Variants in PDE10A observed in about 807,000 individuals in gnomAD.
PDE10A encodes phosphodiesterase 10A.
In PDE10A, 39 loss-of-function variants were observed where a neutral mutation model predicts 97.7. That is an observed-to-expected ratio of 0.40 (90% confidence interval 0.31 to 0.52). The LOEUF is 0.52. Ranked by LOEUF, PDE10A falls within the 20% of genes least tolerant of loss-of-function variation. The pLI is 0.56. For synonymous variants in PDE10A, 371 were observed against 376.8 expected, an observed-to-expected ratio of 0.98 and a Z score of 0.18; for missense variants, 731 against 1,047.8, an observed-to-expected ratio of 0.70 and a Z score of 4.17.
chr6:165,835,331 G>C (rs1265978790), intron 1 of PDE10A, among the ~76,000 whole-genome samples: 1 of 152,204 alleles, frequency 6.6e-6, no homozygotes. Flanking sequence ...ATGGGCTTTG[G>C]CAGATGTGCC....
chr6:165,689,885 TGTCCAGTTCTGCCACCG>T (rs1791224370), intron 1 of PDE10A, among the ~76,000 whole-genome samples: 1 of 152,206 alleles, frequency 6.6e-6, no homozygotes, highest in Non-Finnish European at 1.5e-5. Flanking sequence ...CCTGATGCAA[TGTCCAGTTCTGCCACCG>T]GGTGAGTACA....
intron 1 of PDE10A, among the ~76,000 whole-genome samples, chr6:165,754,572 A>C (rs1026602328): frequency 1.5e-4 from 23 of 152,154 alleles, no homozygotes; most frequent in African/African-American, 4.8e-4. Context: ...CTCTCTATAT[A>C]TATATATATG....
chr6:165,880,906 A>T (rs143278469), intron 1 of PDE10A, among the ~76,000 whole-genome samples: 2 of 152,228 alleles, frequency 1.3e-5, no homozygotes, highest in Non-Finnish European at 2.9e-5. Flanking sequence ...GTGCATTTCG[A>T]GGGAAATTTC....
intron 1 of PDE10A, among the ~76,000 whole-genome samples, chr6:165,813,454 GA>G: frequency 1.8e-5 from 1 of 55,764 alleles, no homozygotes; most frequent in Non-Finnish European, 4.5e-5. Context: ...GTGACTTTAT[GA>G]CCAAATCAGG....
At chr6:165,736,405 T>C (rs1211568205) in intron 1 of PDE10A, among the ~76,000 whole-genome samples, 1 of 152,124 alleles carries the variant, frequency 6.6e-6, no homozygotes. Flanking sequence ...CAGTTTCACA[T>C]GATGTCTCCC....
chr6:165,865,162 A>AGTGG (rs1307352959), intron 1 of PDE10A, among the ~76,000 whole-genome samples: 10 of 152,238 alleles, frequency 6.6e-5, no homozygotes, highest in Admixed American at 5.9e-4. Context: ...AGCCTTAGCC[A>AGTGG]CTGAAAAACT....
chr6:165,654,866 C>T (rs1170771107), intron 1 of PDE10A, among the ~76,000 whole-genome samples: 1 of 152,206 alleles, frequency 6.6e-6, no homozygotes, highest in African/African-American at 2.4e-5. Context: ...TTCTGAACTC[C>T]AGGCCGTGCT....
At chr6:165,898,325 G>A (rs973419485) in intron 1 of PDE10A, among the ~76,000 whole-genome samples, 6 of 152,088 alleles carry the variant, frequency 3.9e-5, no homozygotes, top group Admixed American at 6.5e-5. Flanking sequence ...GAAATGAACC[G>A]CACAACGCAG....
chr6:165,749,342 C>T (rs796441240), intron 1 of PDE10A, among the ~76,000 whole-genome samples: 18 of 141,206 alleles, frequency 1.3e-4, no homozygotes, highest in East Asian at 4.2e-4. Flanking sequence ...CCACCATCAC[C>T]ACCACCATTA....
At chr6:165,953,542 G>T (rs192391921) in intron 1 of PDE10A, among the ~76,000 whole-genome samples, 317 of 151,758 alleles carry the variant, frequency 2.1e-3, no homozygotes, top group African/African-American at 7.2e-3. Context: ...ACCAAGACGA[G>T]ATTGTGCCAC....
intron 1 of PDE10A, chr6:165,894,143 G>A: frequency 2.8e-6 from 1 of 363,306 alleles, no homozygotes; most frequent in South Asian, 2.1e-5. Context: ...GCTTGACTGG[G>A]TGTTTGTTCA....
At chr6:165,475,544 G>T (rs1779247284) in intron 3 of PDE10A, among the ~76,000 whole-genome samples, 1 of 152,120 alleles carries the variant, frequency 6.6e-6, no homozygotes, top group Non-Finnish European at 1.5e-5. Flanking sequence ...CATTCACTAA[G>T]AACTTAATGA....
Position 165,418,750 on chromosome 6 carries a change from C to T in PDE10A, c.1681G>A (p.Asp561Asn). Residue 561 changes from aspartate (D) to asparagine (N), a missense_variant, in exon 11 of 22, where the codon GAT becomes AAT. Around this residue, in one of 8 missense-constraint regions of PDE10A, gnomAD observed 108 missense variants for 199.8 expected, o/e 0.54. Coordinates refer to ENST00000539869, the MANE Select transcript of PDE10A (RefSeq NM_001385079.1). This position sits in a 1 kb window ranked among gnomAD's most constrained non-coding sequence, Gnocchi z 4.8. Reference sequence around the variant, plus strand: ...TCCACCTGGAAAAGCGCACAACGATCGGCATTCACCAGGTTTTTTGCATAT... The same window carrying T: ...TCCACCTGGAAAAGCGCACAACGATTGGCATTCACCAGGTTTTTTGCATAT... Reference protein sequence around the residue: ...MIYAKNLVNADRCALFQVDHK... With the variant: ...MIYAKNLVNANRCALFQVDHK... The T allele has an allele frequency of 1.2e-6, 2 of 1,613,420 alleles. No homozygotes were observed. Among genetic ancestry groups the T allele is most frequent in the Non-Finnish European group, 8.5e-7 (1 of 1,179,736 alleles).
intron 1 of PDE10A, chr6:165,940,574 T>G (rs1783483774): frequency 6.6e-6 from 1 of 152,074 alleles, no homozygotes. Flanking sequence ...ACTGGCAGCG[T>G]TGGTGCACGT....
chr6:165,727,564 A>C (rs899272118), intron 1 of PDE10A, among the ~76,000 whole-genome samples: 1 of 152,202 alleles, frequency 6.6e-6, no homozygotes, highest in Non-Finnish European at 1.5e-5. Flanking sequence ...GGCCTCAGGG[A>C]GTGCACCAGC....
At chr6:165,458,167 G>A (rs534539581) in intron 3 of PDE10A, among the ~76,000 whole-genome samples, 1 of 151,654 alleles carries the variant, frequency 6.6e-6, no homozygotes, top group Non-Finnish European at 1.5e-5. Context: ...GTTTTATTTT[G>A]ACATAATTTC....
intron 1 of PDE10A, among the ~76,000 whole-genome samples, chr6:165,786,139 G>A (rs1778486999): frequency 6.6e-6 from 1 of 152,200 alleles, no homozygotes; most frequent in Admixed American, 6.5e-5. Flanking sequence ...GGAGGAAACA[G>A]ATTATTTAAG....
At chr6:165,447,669 T>A (rs1228749386) in intron 5 of PDE10A, among the ~76,000 whole-genome samples, 1 of 152,250 alleles carries the variant, frequency 6.6e-6, no homozygotes, top group Non-Finnish European at 1.5e-5. Context: ...CATTTGTTAT[T>A]TTCGTAGCTT....
chr6:165,558,961 T>A (rs35352845), intron 1 of PDE10A, among the ~76,000 whole-genome samples: 18,207 of 151,470 alleles, frequency 0.12, 2,155 homozygotes, highest in East Asian at 0.33. Context: ...TAAAAAAATA[T>A]AAATAAATAA....
Sources: gnomAD v4.1 joint callset for allele counts (sites outside exome capture counted in the v4.1 genomes callset) on GRCh38, gnomAD v4.1.1 for gene constraint, gnomAD v4.1.1 regional missense constraint, Gnocchi (gnomAD v3.1) non-coding constraint, MANE v1.5 for transcripts, NCBI Gene and HGNC (gene_info 2026-07-23, HGNC 2026-07-21) for gene names.